The following RYR2 variants were observed in gnomAD, a reference collection of about 807,000 sequenced individuals.
The protein encoded by RYR2 is cardiac muscle ryanodine receptor-calcium release channel.
A neutral mutation model predicts 601.1 loss-of-function variants in RYR2; 227 were observed. The ratio of observed to expected loss-of-function variants is 0.38; its 90% CI spans 0.34 to 0.42. RYR2 has a LOEUF of 0.42. RYR2 is among the 10% of genes least tolerant of loss of function. The pLI, the probability that RYR2 is intolerant of heterozygous loss-of-function variation, is 1.00. For synonymous variants in RYR2, 2,223 were observed against 2,175.1 expected (o/e 1.02, Z -0.61); for missense variants, 4,646 against 6,156.5 (o/e 0.75, Z 8.21).
chr1:237,441,160 G>C (rs1191123507), intron 12 of RYR2, among the ~76,000 whole-genome samples, 159 bp from the exon 13 acceptor site: 1 of 152,274 alleles, frequency 6.6e-6, no homozygotes, highest in East Asian at 1.9e-4. Context: ...GCATAAGTTA[G>C]AGGTCGAACT....
chr1:237,761,115 A>G, intron 84 of RYR2, 87 bp downstream of exon 84: 1 of 777,152 alleles, frequency 1.3e-6, no homozygotes. Context: ...AAGTAGAGAG[A>G]TAAGAAGTTA....
rs12036540 is a variant in RYR2 at position 237,446,223 on chromosome 1, T to C, written c.1292+701T>C. 3.9e-4 allele frequency among the ~76,000 whole-genome samples: 59 copies of C among 152,318 alleles called. 1 individual carries two copies. The East Asian group carries it at 0.011, about 27-fold the overall frequency. On this transcript the variant is annotated intron_variant, in intron 14 of 104. Transcript: ENST00000366574. Reference sequence around the variant, plus strand: ...ACTGTTCTTCCACCTAATAATTGCATATCTATAGACTAAATTAAACTTGTG... The same window carrying C: ...ACTGTTCTTCCACCTAATAATTGCACATCTATAGACTAAATTAAACTTGTG...
Position 237,708,909 on chromosome 1 carries a change from A to G in RYR2, c.9953A>G (p.His3318Arg). The change falls in exon 69 of 105, where the codon CAT becomes CGT. Residue 3318 changes from histidine to arginine, a missense_variant. Around this residue, in one of 17 missense-constraint regions of RYR2, gnomAD observed 1,497 missense variants for 1,842.6 expected, o/e 0.81. Transcript: ENST00000366574. The stretch of plus-strand genomic sequence containing the variant: ...GTGAAACCTCAGCTCTTGAAAACTC[A>G]TTTCTTGCCGTTAATGGAGAAACTC... ...NKVKPQLLKT[H>R]FLPLMEKLKK... The G allele has an allele frequency of 6.2e-7, 1 of 1,612,290 alleles. No homozygotes were observed. Among genetic ancestry groups the G allele is most frequent in the Non-Finnish European group, 8.5e-7 (1 of 1,178,662 alleles).
Position 237,610,842 on chromosome 1 carries a change from G to A in RYR2, c.4764G>A (p.Val1588=), listed in dbSNP as rs1393017743. 6.2e-7 allele frequency: 1 copy of A among 1,613,198 alleles called. No individual in the cohort carries two copies. The highest frequency in any genetic ancestry group is 2.2e-5 in the East Asian group (1 of 44,824). The change falls in exon 36 of 105, where the codon GTG becomes GTA. Residue 1588 remains valine, a synonymous_variant. Transcript: ENST00000366574. This position sits in a 1 kb window ranked among gnomAD's most constrained non-coding sequence, Gnocchi z 4.9. ...CGCAGTGCCCCCCGCGCCTCCACGT[G>A]CAGTTCCTGTCACACGTCCTGTGGA... ...PVPQCPPRLH[V]QFLSHVLWSR...
At chr1:237,497,805 G>A (rs902412572) in intron 20 of RYR2, among the ~76,000 whole-genome samples, 3 of 152,082 alleles carry the variant, frequency 2.0e-5, no homozygotes, top group African/African-American at 7.2e-5. Context: ...TCTTCATTGA[G>A]TGCCAATAGC....
intron 2 of RYR2, among the ~76,000 whole-genome samples, chr1:237,306,100 A>T (rs1045694047): frequency 7.9e-5 from 12 of 152,214 alleles, no homozygotes; most frequent in Non-Finnish European, 1.0e-4. Context: ...TTGTATATAG[A>T]TAAGGAAATG....
chr1:237,531,283 A>G (rs912866240), intron 25 of RYR2, among the ~76,000 whole-genome samples: 1 of 152,174 alleles, frequency 6.6e-6, no homozygotes, highest in African/African-American at 2.4e-5. Context: ...CTGCTGTTCT[A>G]TGACCTATGT....
intron 80 of RYR2, among the ~76,000 whole-genome samples, chr1:237,750,348 A>G (rs1692441319): frequency 6.6e-6 from 1 of 152,048 alleles, no homozygotes. Context: ...TGTCAGTTTG[A>G]TGTGAATTGT....
chr1:237,481,113 T>TATATATATATATGTATATAC (rs1662028391), intron 17 of RYR2, among the ~76,000 whole-genome samples: 2 of 137,508 alleles, frequency 1.5e-5, no homozygotes, highest in African/African-American at 6.2e-5. Flanking sequence ...TATACATATA[T>TATATATATATATGTATATAC]ATATATATAT....
rs1365870545 is a variant in RYR2, at chr1:237,180,808, A to G, written c.49-89689A>G. On this transcript the variant is annotated intron_variant, in intron 1 of 104. Transcript: ENST00000366574. The surrounding 1 kb of genome is among the most constrained non-coding windows in gnomAD (Gnocchi z 5.3). ...GAATTATACCAATTATATAATAATTACTAATTTCAATCATGTAAATATATA... is the reference window on the plus strand; with the variant it reads ...GAATTATACCAATTATATAATAATTGCTAATTTCAATCATGTAAATATATA... Among the ~76,000 whole-genome samples, 5 of 147,958 alleles carry G rather than the reference A, an allele frequency of 3.4e-5. No individual in the cohort carries two copies. The highest frequency in any genetic ancestry group is 7.4e-5 in the Non-Finnish European group (5 of 67,240).
intron 4 of RYR2, among the ~76,000 whole-genome samples, chr1:237,357,544 T>A (rs898616061): frequency 1.3e-5 from 2 of 152,358 alleles, no homozygotes; most frequent in African/African-American, 4.8e-5. Flanking sequence ...AAGTCTTCCC[T>A]TCAGTTCCTC....
chr1:237,698,969 T>C lies in RYR2; in HGVS notation c.9072T>C (p.Asn3024=). 6.5e-7 allele frequency: 1 copy of C among 1,545,474 alleles called. No homozygotes were observed. The part of the protein sequence containing the change: ...LVRHRISLFG[N]DATSIVNCLH... Reference sequence around the variant, plus strand: ...AGCATTTTGTTTCCTCTTTAGGCAATGATGCAACATCAATTGTCAACTGTC... The same window carrying C: ...AGCATTTTGTTTCCTCTTTAGGCAACGATGCAACATCAATTGTCAACTGTC... Residue 3024 remains asparagine, a synonymous_variant, in exon 64 of 105, where the codon AAT becomes AAC. Coordinates refer to ENST00000366574, the MANE Select transcript of RYR2 (RefSeq NM_001035.3).
chr1:237,781,495 G>A (rs1695108366), intron 88 of RYR2, 70 bp from the exon 89 acceptor site: 4 of 768,020 alleles, frequency 5.2e-6, no homozygotes, highest in Admixed American at 4.4e-5. Flanking sequence ...TCCTTTTTGT[G>A]AGAATAAGTA....
chr1:237,285,743 T>A (rs7533036), intron 2 of RYR2, among the ~76,000 whole-genome samples: 1 of 151,874 alleles, frequency 6.6e-6, no homozygotes, highest in Non-Finnish European at 1.5e-5. Context: ...CTCCTCCTGA[T>A]TTAAGCTAGG....
At chr1:237,570,195 G>T (rs1672526697) in intron 29 of RYR2, among the ~76,000 whole-genome samples, 1 of 138,838 alleles carries the variant, frequency 7.2e-6, no homozygotes, top group Admixed American at 7.7e-5. Flanking sequence ...TCCAGCCTGG[G>T]CAACAGTGCA....
At chr1:237,167,811 T>C (rs925315779) in intron 1 of RYR2, among the ~76,000 whole-genome samples, 1 of 150,618 alleles carries the variant, frequency 6.6e-6, no homozygotes, top group Non-Finnish European at 1.5e-5. Flanking sequence ...ATAGCAGCCT[T>C]GAACTCCCAG....
At chr1:237,294,243 C>G (rs1692523283) in intron 2 of RYR2, among the ~76,000 whole-genome samples, 1 of 152,062 alleles carries the variant, frequency 6.6e-6, no homozygotes, top group Non-Finnish European at 1.5e-5. Flanking sequence ...ATCACAGTAT[C>G]ACAAGAGTTA....
rs766674984 is a variant in RYR2 at position 237,791,461 on chromosome 1, A to G, written c.13509A>G (p.Arg4503=). 1.3e-6 allele frequency: 2 copies of G among 1,579,582 alleles called. No homozygotes were observed. Among genetic ancestry groups the G allele is most frequent in the East Asian group, 2.3e-5 (1 of 44,098 alleles). ...TTGCTCGCAACTTTTACAACATGAG[A>G]ATGTTAGCCTTATTTGTCGCATTTG... is the stretch of plus-strand genomic sequence containing the variant. ...NYFARNFYNM[R]MLALFVAFAI... Residue 4503 remains arginine, a synonymous_variant, in exon 93 of 105, where the codon AGA becomes AGG. Coordinates refer to ENST00000366574, the MANE Select transcript of RYR2 (RefSeq NM_001035.3).
rs191230743 is a variant in RYR2 at position 237,437,295 on chromosome 1, G to A, written c.1006-4024G>A. Among the ~76,000 whole-genome samples, 87 of 152,034 alleles carry A rather than the reference G, an allele frequency of 5.7e-4. No homozygotes were observed. In the East Asian group the frequency reaches 0.014, roughly 24 times the overall value. On this transcript the variant is annotated intron_variant, in intron 12 of 104. Coordinates refer to ENST00000366574, the MANE Select transcript of RYR2 (RefSeq NM_001035.3). ...TCTTGATCTCCTGACCTCATGATCC[G>A]CCCACCTCGGCCTCCTAAAGTGCTG...
Sources: allele counts gnomAD v4.1 joint callset (sites outside exome capture counted in the v4.1 genomes callset), GRCh38; gene constraint gnomAD v4.1.1; regional missense constraint gnomAD v4.1.1; non-coding constraint Gnocchi (gnomAD v3.1); transcripts MANE v1.5; gene names NCBI Gene and HGNC (gene_info 2026-07-23, HGNC 2026-07-21).